MDN1: variants seen among roughly 807,000 people sequenced by gnomAD.
The protein encoded by MDN1 is midasin.
MDN1 carries 266 observed loss-of-function variants against 669.2 expected under a neutral mutation model. The observed-to-expected ratio is 0.40, with a 90% confidence interval of 0.36 to 0.44. MDN1 has a LOEUF of 0.44. MDN1 is among the 20% of genes least tolerant of loss of function. MDN1 has a pLI of 1.00. For synonymous variants in MDN1, 2,385 were observed against 2,457.1 expected, an observed-to-expected ratio of 0.97 and a Z score of 0.87; for missense variants, 5,940 against 6,754.0, an observed-to-expected ratio of 0.88 and a Z score of 4.22.
chr6:89,713,781 G>A (rs1476025005), intron 46 of MDN1, among the ~76,000 whole-genome samples: 1 of 152,160 alleles, frequency 6.6e-6, no homozygotes, highest in African/African-American at 2.4e-5. Context: ...GGGCATGGTG[G>A]CTCACGCTTG....
Position 89,750,377 on chromosome 6 carries a change from G to A in MDN1, c.3383C>T (p.Ser1128Leu). The A allele has an allele frequency of 6.2e-7, 1 of 1,611,376 alleles. No individual in the cohort carries two copies. The highest frequency in any genetic ancestry group is 8.5e-7 in the Non-Finnish European group (1 of 1,177,700). ...EYIGCYTSDS[S>L]GKLVFKEGVL... ...ACCTTCCTTAAAGACAAGCTTCCCT[G>A]AGGAGTCAGACGTGTAACAACCAAT... Residue 1128 changes from serine to leucine, a missense_variant, in exon 24 of 102, where the codon TCA (serine) becomes TTA (leucine). Transcript: ENST00000369393.
In MDN1 at chr6:89,672,593, T is replaced by C; in HGVS notation, c.13584A>G (p.Glu4528=). The change falls in exon 81 of 102, where the codon GAA becomes GAG. Residue 4528 remains glutamate, a synonymous_variant. Coordinates refer to ENST00000369393, the MANE Select transcript of MDN1 (RefSeq NM_014611.3). ...AIQNLEERKN[E]KAEENTDQAS... Reference sequence around the variant, plus strand: ...CTTGGTCAGTGTTCTCCTCTGCTTTTTCATTCTTTCTTTCTTCTAAGTTCT... The same window carrying C: ...CTTGGTCAGTGTTCTCCTCTGCTTTCTCATTCTTTCTTTCTTCTAAGTTCT... 6.2e-7 allele frequency: 1 copy of C among 1,614,180 alleles called. No individual in the cohort carries two copies. The highest frequency in any genetic ancestry group is 8.5e-7 in the Non-Finnish European group (1 of 1,180,024).
In MDN1 at chr6:89,771,554, C is replaced by T. The variant is rs1300084743; in HGVS notation, c.2144+7G>A. The T allele has an allele frequency of 2.5e-6, 4 of 1,611,020 alleles. No homozygotes were observed. Among genetic ancestry groups the T allele is most frequent in the Admixed American group, 3.4e-5 (2 of 59,616 alleles). Reference sequence around the variant, plus strand: ...AAAATAAGAAAAAAATTTTAAGCCACACTTACCCTCCAAGCAAGTCTGCAG... The same window carrying T: ...AAAATAAGAAAAAAATTTTAAGCCATACTTACCCTCCAAGCAAGTCTGCAG... On this transcript the variant is annotated splice_region_variant and intron_variant, in intron 15 of 101. Coordinates refer to ENST00000369393, the MANE Select transcript of MDN1 (RefSeq NM_014611.3).
At chr6:89,804,129 C>T (rs1373180146) in intron 1 of MDN1, among the ~76,000 whole-genome samples, 1 of 151,504 alleles carries the variant, frequency 6.6e-6, no homozygotes, top group African/African-American at 2.4e-5. Flanking sequence ...AGGCTGGTCT[C>T]GAACTCCTGG....
chr6:89,819,665 C>G lies in MDN1; in HGVS notation c.-58G>C. 6.8e-7 allele frequency: 1 copy of G among 1,466,774 alleles called. No homozygotes were observed. Among genetic ancestry groups the G allele is most frequent in the South Asian group, 1.1e-5 (1 of 88,130 alleles). The allele number at this position is 1,466,774 out of a possible 1,614,324, so 90.9% of individuals were successfully genotyped here. A position where few individuals can be genotyped will look rare whatever the true frequency, so the allele number is the denominator to read the frequency against. On this transcript the variant is annotated 5_prime_UTR_variant, in exon 1 of 102. Transcript: ENST00000369393. ...CGCTCCCTACTTCGCGGCCAGCGTC[C>G]CCAAGCCGCCGAGGTCCCAGTGCCC...
intron 97 of MDN1, among the ~76,000 whole-genome samples, chr6:89,649,655 ATTTTT>A (rs201350197): frequency 6.6e-6 from 1 of 151,166 alleles, no homozygotes; most frequent in African/African-American, 2.4e-5. Context: ...GAAAACTTTG[ATTTTT>A]TTTTTAAGAG....
chr6:89,685,675 T>C, intron 70 of MDN1, 152 bp downstream of exon 70: 1 of 855,388 alleles, frequency 1.2e-6, no homozygotes. Flanking sequence ...TGAATGTTCT[T>C]CTCTATATCT....
intron 85 of MDN1, 125 bp from the exon 86 acceptor site, chr6:89,663,092 A>G (rs1809922675): frequency 1.9e-6 from 2 of 1,025,740 alleles, no homozygotes; most frequent in Admixed American, 2.1e-5. Flanking sequence ...TTTTCTACAG[A>G]ACACACCCTA....
At chr6:89,654,099 T>C (rs951043221) in intron 93 of MDN1, 65 bp downstream of exon 93, 15 of 1,558,810 alleles carry the variant, frequency 9.6e-6, no homozygotes, top group African/African-American at 1.4e-5. Context: ...TAGATTATAG[T>C]GAGAGAGAAC....
chr6:89,813,303 A>G (rs1328850193), intron 1 of MDN1, among the ~76,000 whole-genome samples: 1 of 151,938 alleles, frequency 6.6e-6, no homozygotes, highest in Non-Finnish European at 1.5e-5. Flanking sequence ...TAATCCCAGC[A>G]CTTCGGGAGA....
At position 89,818,560 on chromosome 6, in the gene MDN1, C is replaced by A. The variant is rs550937231; in HGVS notation, c.102+946G>T. On this transcript the variant is annotated intron_variant, in intron 1 of 101. Transcript: ENST00000369393. ...TGTCCCGTGGCTCACGCCTGTAATC[C>A]CAGCACTTTGGGAGGCTGAGGCGGG... 3.9e-5 allele frequency among the ~76,000 whole-genome samples: 6 copies of A among 152,168 alleles called. No individual in the cohort carries two copies. The East Asian group carries it at 1.2e-3, about 29-fold the overall frequency.
intron 5 of MDN1, among the ~76,000 whole-genome samples, chr6:89,792,438 ATCCT>A (rs1819318213): frequency 6.6e-6 from 1 of 152,030 alleles, no homozygotes; most frequent in African/African-American, 2.4e-5. Flanking sequence ...TCTAACCAGA[ATCCT>A]TCCCTATGTT....
intron 64 of MDN1, 66 bp from the exon 65 acceptor site, chr6:89,690,209 G>A: frequency 1.5e-5 from 23 of 1,499,234 alleles, no homozygotes; most frequent in Admixed American, 1.4e-4. Context: ...AGACTAAAAG[G>A]AAGAAAGAAA....
In MDN1 at chr6:89,718,760, T is replaced by C; in HGVS notation, c.6321+7A>G. On this transcript the variant is annotated splice_region_variant and intron_variant, in intron 42 of 101. Transcript: ENST00000369393. ...TTTGCCAGAAAATATGAAGGCAGAC[T>C]GGTTACCTGCTCAAATCCACCCAGC... The C allele has an allele frequency of 6.2e-7, 1 of 1,612,858 alleles. No individual in the cohort carries two copies. Among genetic ancestry groups the C allele is most frequent in the Non-Finnish European group, 8.5e-7 (1 of 1,178,932 alleles).
intron 97 of MDN1, among the ~76,000 whole-genome samples, chr6:89,648,733 G>C (rs1469005360): frequency 6.6e-6 from 1 of 151,578 alleles, no homozygotes; most frequent in African/African-American, 2.4e-5. Context: ...GGCTGAGGTA[G>C]GAGGATCACC....
In MDN1 at chr6:89,781,520, C is replaced by T; in HGVS notation, c.1522G>A (p.Gly508Arg). The change falls in exon 10 of 102, where the codon GGA becomes AGA. Residue 508 changes from glycine (G) to arginine (R), a missense_variant. By Grantham distance (125) the Gly-to-Arg change is moderately radical. Transcript: ENST00000369393. ...TCACTCCAAGAGTGATGTTTCTCTC[C>T]AGTAAGTTGGATATAAATGTCAAGC... ...HLLDIYIQLT[G>R]EKHHSWSDSS... The T allele has an allele frequency of 6.2e-7, 1 of 1,613,774 alleles. No individual in the cohort carries two copies. Among genetic ancestry groups the T allele is most frequent in the Non-Finnish European group, 8.5e-7 (1 of 1,179,762 alleles).
At chr6:89,684,829 G>T in intron 71 of MDN1, 47 bp downstream of exon 71, 3 of 1,214,150 alleles carry the variant, frequency 2.5e-6, no homozygotes, top group Non-Finnish European at 3.6e-6. Flanking sequence ...AAGAGAATTT[G>T]CTGATTTTGT....
chr6:89,740,302 A>G lies in MDN1; in HGVS notation c.4525T>C (p.Leu1509=). The G allele has an allele frequency of 4.3e-6, 7 of 1,611,918 alleles. No homozygotes were observed. The highest frequency in any genetic ancestry group is 5.9e-6 in the Non-Finnish European group (7 of 1,179,440). ...ATACGAAATTTTTTCCCAGCAGTCA[A>G]CAGCTCTATTTCACTATCCTTGTCC... is the stretch of plus-strand genomic sequence containing the variant. ...PEDKDSEIEL[L]TAGKKFRILA... is the part of the protein sequence containing the mutation. The change falls in exon 32 of 102, where the codon TTG becomes CTG. Residue 1509 remains leucine, a synonymous_variant. Transcript: ENST00000369393.
chr6:89,704,360 C>A (rs867410770), intron 53 of MDN1, among the ~76,000 whole-genome samples: 1 of 152,094 alleles, frequency 6.6e-6, no homozygotes, highest in Non-Finnish European at 1.5e-5. Flanking sequence ...CCAGCATGGG[C>A]GACAGAGCGA....
Sources: allele counts gnomAD v4.1 joint callset (sites outside exome capture counted in the v4.1 genomes callset), GRCh38; gene constraint gnomAD v4.1.1; transcripts MANE v1.5; gene names NCBI Gene and HGNC (gene_info 2026-07-23, HGNC 2026-07-21).